Variants in CD276 observed in about 807,000 individuals in gnomAD.
The protein encoded by CD276 is CD276 molecule.
In CD276, 34 loss-of-function variants were observed where a neutral mutation model predicts 50.0. That is an observed-to-expected ratio of 0.68 (90% CI 0.52 to 0.91). The LOEUF is 0.91. Ranked by LOEUF, CD276 falls within the 40% of genes least tolerant of loss-of-function variation. CD276 has a pLI of 0.00. For synonymous variants in CD276, 275 were observed against 313.0 expected (o/e 0.88, Z 1.28); for missense variants, 634 against 717.5 (o/e 0.88, Z 1.33).
intron 6 of CD276, among the ~76,000 whole-genome samples, chr15:73,706,804 A>G (rs1900668820): frequency 6.6e-6 from 1 of 152,204 alleles, no homozygotes; most frequent in Non-Finnish European, 1.5e-5. Flanking sequence ...ACGTGGCCTG[A>G]GCCTGTCCTT....
intron 1 of CD276, among the ~76,000 whole-genome samples, chr15:73,691,313 A>G (rs1899980876): frequency 2.0e-5 from 3 of 151,886 alleles, no homozygotes; most frequent in Admixed American, 1.3e-4. Context: ...TGATGGTTTT[A>G]GGGCTCTATA....
intron 1 of CD276, chr15:73,684,744 A>T (rs1235432851): frequency 6.6e-6 from 1 of 152,026 alleles, no homozygotes; most frequent in African/African-American, 2.4e-5. Context: ...CCTCGGGTTG[A>T]GAGGGGCCCG....
chr15:73,701,822 C>T (rs1005769653), intron 2 of CD276, among the ~76,000 whole-genome samples: 2 of 152,120 alleles, frequency 1.3e-5, no homozygotes, highest in African/African-American at 4.8e-5. Context: ...TTTTTGGACT[C>T]CCCAATTTAT....
chr15:73,693,594 G>C (rs1169844028), intron 1 of CD276, among the ~76,000 whole-genome samples: 2 of 152,144 alleles, frequency 1.3e-5, no homozygotes, highest in Non-Finnish European at 2.9e-5. Flanking sequence ...CTGATGGTTG[G>C]CTACAGATTT....
intron 6 of CD276, among the ~76,000 whole-genome samples, chr15:73,706,873 A>C (rs1900670620): frequency 6.6e-6 from 1 of 152,170 alleles, no homozygotes; most frequent in African/African-American, 2.4e-5. Flanking sequence ...GTTAAGGGGG[A>C]ACATAGAGAC....
intron 6 of CD276, among the ~76,000 whole-genome samples, chr15:73,707,511 G>C (rs1900693629): frequency 6.6e-6 from 1 of 152,166 alleles, no homozygotes; most frequent in South Asian, 2.1e-4. Context: ...TGACTCCTTG[G>C]GGAAACTCCA....
At position 73,713,969 on chromosome 15, in the gene CD276, A is replaced by G. The variant is rs1596025311; in HGVS notation, c.*1013A>G. ...GGAGACAGACAACTAACTACACTGC[A>G]CCCTGCGGTTTGCAGGGGGCTCCTG... On this transcript the variant is annotated 3_prime_UTR_variant, in exon 10 of 10. Transcript: ENST00000318443. 3.0e-6 allele frequency: 1 copy of G among 330,030 alleles called. No homozygotes were observed. The highest frequency in any genetic ancestry group is 2.3e-5 in the African/African-American group (1 of 42,812). 20.4% of individuals were successfully genotyped at this position (330,030 alleles called of 1,614,324 possible).
intron 2 of CD276, among the ~76,000 whole-genome samples, chr15:73,700,466 A>C (rs1288822342): frequency 1.3e-5 from 2 of 152,160 alleles, no homozygotes; most frequent in Admixed American, 1.3e-4. Flanking sequence ...GCCTGTCTCT[A>C]CCCACGGCTG....
rs376536679 is a variant in CD276 at position 73,703,030 on chromosome 15, T to C, written c.677T>C (p.Val226Ala). 32 of 1,613,614 alleles carry C rather than the reference T, an allele frequency of 2.0e-5. No individual in the cohort carries two copies. The African/African-American group carries it at 4.0e-4, about 20-fold the overall frequency. ...GTYSCLVRNPVLQQDAHSSVT... is the reference protein window; with the variant it reads ...GTYSCLVRNPALQQDAHSSVT... Reference sequence around the variant, plus strand: ...TACAGCTGCCTGGTGCGCAACCCCGTGCTGCAGCAGGATGCGCACAGCTCT... The same window carrying C: ...TACAGCTGCCTGGTGCGCAACCCCGCGCTGCAGCAGGATGCGCACAGCTCT... The change falls in exon 4 of 10, where the codon GTG becomes GCG. Residue 226 changes from valine (V) to alanine (A), a missense_variant. Val to Ala is a moderately conservative substitution (Grantham distance 64, BLOSUM62 0). Transcript: ENST00000318443.
rs763137291 is a variant in CD276, at chr15:73,703,856, A to T, written c.931A>T (p.Thr311Ser). 3 of 1,613,652 alleles carry T rather than the reference A, an allele frequency of 1.9e-6. No individual in the cohort carries two copies. Among genetic ancestry groups the T allele is most frequent in the Non-Finnish European group, 2.5e-6 (3 of 1,180,000 alleles). Reference sequence around the variant, plus strand: ...CCAGGGCAGCGCCTATGCCAACCGCACGGCCCTCTTCCCGGACCTGCTGGC... The same window carrying T: ...CCAGGGCAGCGCCTATGCCAACCGCTCGGCCCTCTTCCCGGACCTGCTGGC... Reference protein sequence around the residue: ...RDQGSAYANRTALFPDLLAQG... With the variant: ...RDQGSAYANRSALFPDLLAQG... The change falls in exon 5 of 10, where the codon ACG becomes TCG. Residue 311 changes from threonine to serine, a missense_variant. Coordinates refer to ENST00000318443, the MANE Select transcript of CD276 (RefSeq NM_001024736.2).
intron 7 of CD276, 67 bp downstream of exon 7, chr15:73,708,540 T>C: frequency 3.3e-6 from 5 of 1,526,638 alleles, no homozygotes; most frequent in Non-Finnish European, 4.4e-6. Context: ...GTTGCTGTCT[T>C]TGATGTCAAT....
Position 73,709,678 on chromosome 15 carries a change from G to T in CD276, c.1535G>T (p.Gly512Val). 4 of 1,612,850 alleles carry T rather than the reference G, an allele frequency of 2.5e-6. No homozygotes were observed. Among genetic ancestry groups the T allele is most frequent in the Non-Finnish European group, 3.4e-6 (4 of 1,179,610 alleles). Residue 512 changes from glycine to valine, a missense_variant, in exon 8 of 10, where the codon GGC (glycine) becomes GTC (valine). Transcript: ENST00000318443. ...GAEDQDGEGE[G>V]SKTALQPLKH... ...GAGGACCAGGATGGGGAGGGAGAAG[G>T]CTCCAAGACAGGTGAGTCTGAACTT... is the stretch of plus-strand genomic sequence containing the variant.
intron 7 of CD276, among the ~76,000 whole-genome samples, chr15:73,708,885 C>T (rs1900764781): frequency 6.6e-6 from 1 of 152,224 alleles, no homozygotes; most frequent in African/African-American, 2.4e-5. Context: ...GTGATCGTGC[C>T]TGCCTTGGAG....
At chr15:73,705,508 C>A (rs928546815) in intron 6 of CD276, among the ~76,000 whole-genome samples, 1 of 152,108 alleles carries the variant, frequency 6.6e-6, no homozygotes, top group Non-Finnish European at 1.5e-5. Context: ...TTCCTTCTGG[C>A]AAGGTTGTGC....
chr15:73,711,226 A>T, intron 9 of CD276, 56 bp downstream of exon 9: 2 of 1,573,964 alleles, frequency 1.3e-6, no homozygotes, highest in Non-Finnish European at 1.7e-6. Flanking sequence ...TGTGTGTGAG[A>T]GGCTGAGAGG....
chr15:73,711,298 A>C (rs780550428), intron 9 of CD276, 128 bp downstream of exon 9: 4 of 980,060 alleles, frequency 4.1e-6, no homozygotes, highest in South Asian at 1.4e-5. Context: ...AGCAGCCTCA[A>C]CTTCCCCCTG....
intron 4 of CD276, among the ~76,000 whole-genome samples, chr15:73,703,354 C>T (rs756207874): frequency 4.0e-5 from 6 of 151,898 alleles, no homozygotes; most frequent in Non-Finnish European, 8.8e-5. Flanking sequence ...GAGGGGTGGG[C>T]GAAGGAAAGG....
In CD276 at chr15:73,712,938, T is replaced by G. The variant is rs758439784; in HGVS notation, c.1587T>G (p.Asp529Glu). The G allele has an allele frequency of 2.1e-5, 34 of 1,613,678 alleles. No homozygotes were observed. The East Asian group carries it at 7.4e-4, about 35-fold the overall frequency. ...TCTTCCCATCATGAAATGAAGATGATGGACAAGAAATAGCCTGACCATGAG... is the reference window on the plus strand; with the variant it reads ...TCTTCCCATCATGAAATGAAGATGAGGGACAAGAAATAGCCTGACCATGAG... ...PLKHSDSKED[D>E]GQEIA The change falls in exon 10 of 10, where the codon GAT (aspartate) becomes GAG (glutamate). Residue 529 changes from aspartate to glutamate, a missense_variant. Physicochemically the swap from Asp to Glu is conservative, Grantham distance 45. Coordinates refer to ENST00000318443, the MANE Select transcript of CD276 (RefSeq NM_001024736.2).
chr15:73,706,533 A>G (rs1381848964), intron 6 of CD276, among the ~76,000 whole-genome samples: 11 of 152,218 alleles, frequency 7.2e-5, no homozygotes, highest in Non-Finnish European at 1.5e-5. Flanking sequence ...GAGATGAGCC[A>G]TGATCAGAAT....
Sources: allele counts gnomAD v4.1 joint callset (sites outside exome capture counted in the v4.1 genomes callset), GRCh38; gene constraint gnomAD v4.1.1; transcripts MANE v1.5; gene names NCBI Gene and HGNC (gene_info 2026-07-23, HGNC 2026-07-21).